TUT4: variants seen among roughly 807,000 people sequenced by gnomAD.
TUT4 encodes terminal uridylyltransferase 4.
A neutral mutation model predicts 192.2 loss-of-function variants in TUT4; 36 were observed. That is an observed-to-expected ratio of 0.19 (90% CI 0.14 to 0.25). TUT4 has a LOEUF of 0.25. Ranked by LOEUF, TUT4 falls within the 10% of genes least tolerant of loss-of-function variation. TUT4 has a pLI of 1.00. For missense variants in TUT4, 1,493 were observed against 1,957.2 expected, an observed-to-expected ratio of 0.76 and a Z score of 4.47; for synonymous variants, 618 against 666.0, an observed-to-expected ratio of 0.93 and a Z score of 1.11.
chr1:52,497,120 A>G lies in TUT4; in HGVS notation c.1063T>C (p.Leu355=). ...GCTAATTCAATGACTGCAACACTTA[A>G]AGCAGCCAAGTGGGCAGGGGAAGGA... is the stretch of plus-strand genomic sequence containing the variant. ...PPPSPAHLAA[L]SVAVIELAKE... is the part of the protein sequence containing the mutation. The change falls in exon 5 of 30, where the codon TTA becomes CTA. Residue 355 remains leucine (L), a synonymous_variant. Transcript: ENST00000257177. 1 of 1,613,846 alleles carries G rather than the reference A, an allele frequency of 6.2e-7. No homozygotes were observed. Among genetic ancestry groups the G allele is most frequent in the Non-Finnish European group, 8.5e-7 (1 of 1,179,890 alleles).
intron 4 of TUT4, among the ~76,000 whole-genome samples, chr1:52,507,098 T>C (rs1343663823): frequency 3.9e-5 from 6 of 152,220 alleles, no homozygotes; most frequent in Non-Finnish European, 7.3e-5. Context: ...CCAGTCTGGA[T>C]AGGAAGAAGT....
rs201795847 is a variant in TUT4, at chr1:52,499,643, AGGATGGCTT to A, written c.1000-2469_1000-2461del. Among the ~76,000 whole-genome samples the A allele has an allele frequency of 3.4e-3, 511 of 152,284 alleles. 4 individuals are homozygous for A. The highest frequency in any genetic ancestry group is 0.011 in the African/African-American group (474 of 41,558). ...CCCACCTACTCAGGAGGCTGAGGTG[AGGATGGCTT>A]GAGCCCCGGAGGTGGAGGTTGCAGT... On this transcript the variant is annotated intron_variant, in intron 4 of 29. Coordinates refer to ENST00000257177, the MANE Select transcript of TUT4 (RefSeq NM_001009881.3).
chr1:52,460,979 G>A, intron 19 of TUT4, 155 bp downstream of exon 19: 2 of 483,534 alleles, frequency 4.1e-6, no homozygotes, highest in Non-Finnish European at 7.1e-6. Flanking sequence ...ACCCTACTCT[G>A]ATAGGTATCT....
At chr1:52,480,188 G>C (rs571947819) in intron 11 of TUT4, among the ~76,000 whole-genome samples, 1 of 151,988 alleles carries the variant, frequency 6.6e-6, no homozygotes, top group African/African-American at 2.4e-5. Context: ...ACATACACAA[G>C]AAAAAAGGGA....
chr1:52,425,109 A>G (rs985282679), intron 29 of TUT4: 2 of 361,508 alleles, frequency 5.5e-6, no homozygotes, highest in South Asian at 2.1e-4. Context: ...GGGCAATGTT[A>G]ACTGATTCAT....
intron 13 of TUT4, among the ~76,000 whole-genome samples, chr1:52,472,678 G>A (rs946557890): frequency 2.6e-5 from 4 of 151,646 alleles, no homozygotes; most frequent in African/African-American, 4.8e-5. Context: ...AGCTTCATAC[G>A]AAGAGTAACT....
chr1:52,425,194 C>T, intron 29 of TUT4, 155 bp downstream of exon 29: 1 of 837,952 alleles, frequency 1.2e-6, no homozygotes. Flanking sequence ...TTTTGTTTTA[C>T]AAGCACCTAG....
At chr1:52,534,349 A>C (rs963323032) in intron 1 of TUT4, among the ~76,000 whole-genome samples, 33 of 152,152 alleles carry the variant, frequency 2.2e-4, no homozygotes, top group African/African-American at 8.0e-4. Context: ...ACGTGATCAA[A>C]AATAAAATTA....
At position 52,423,645 on chromosome 1, in the gene TUT4, A is replaced by T; in HGVS notation, c.*290T>A. 2.1e-6 allele frequency: 1 copy of T among 468,068 alleles called. No individual in the cohort carries two copies. The highest frequency in any genetic ancestry group is 5.0e-5 in the East Asian group (1 of 20,160). 29.0% of individuals were successfully genotyped at this position (468,068 alleles called of 1,614,324 possible). The stretch of plus-strand genomic sequence containing the variant: ...AACAAAACATAAAATTCCCTTAAAA[A>T]TAGGGTAATAAAATAGATGAAATTT... On this transcript the variant is annotated 3_prime_UTR_variant, in exon 30 of 30. Coordinates refer to ENST00000257177, the MANE Select transcript of TUT4 (RefSeq NM_001009881.3).
intron 27 of TUT4, chr1:52,432,579 T>C (rs1652443419): frequency 6.6e-6 from 1 of 152,168 alleles, no homozygotes; most frequent in African/African-American, 2.4e-5. Context: ...ATCTGAACTT[T>C]AGAAAGATTA....
chr1:52,550,852 G>A (rs975103104), intron 1 of TUT4, among the ~76,000 whole-genome samples: 1 of 152,096 alleles, frequency 6.6e-6, no homozygotes, highest in South Asian at 2.1e-4. Context: ...CTTTAACAGT[G>A]AATAAATTCA....
At chr1:52,483,553 G>A (rs185846073) in intron 9 of TUT4, among the ~76,000 whole-genome samples, 4 of 152,266 alleles carry the variant, frequency 2.6e-5, no homozygotes, top group Admixed American at 2.6e-4. Context: ...GCTCATGCAA[G>A]TAATCCCAGC....
At chr1:52,523,463 G>T (rs2149439163) in intron 2 of TUT4, among the ~76,000 whole-genome samples, 1 of 152,242 alleles carries the variant, frequency 6.6e-6, no homozygotes, top group Non-Finnish European at 1.5e-5. Flanking sequence ...GAATTAGCCA[G>T]GCATGGTGGC....
chr1:52,446,012 A>G lies in TUT4; in HGVS notation c.3692-8T>C. On this transcript the variant is annotated splice_region_variant and splice_polypyrimidine_tract_variant and intron_variant, in intron 22 of 29. Coordinates refer to ENST00000257177, the MANE Select transcript of TUT4 (RefSeq NM_001009881.3). ...GATTCAAGTCAAAAGGGTCTACAAA[A>G]GAAATATATCAATGATTAAGAATTA... 6.3e-7 allele frequency: 1 copy of G among 1,597,240 alleles called. No homozygotes were observed. The highest frequency in any genetic ancestry group is 1.1e-5 in the South Asian group (1 of 87,130).
intron 20 of TUT4, among the ~76,000 whole-genome samples, chr1:52,450,015 G>A (rs964575919): frequency 6.6e-6 from 1 of 151,918 alleles, no homozygotes; most frequent in Non-Finnish European, 1.5e-5. Context: ...AATCTTTTTT[G>A]GAATTAATTT....
intron 4 of TUT4, among the ~76,000 whole-genome samples, chr1:52,497,811 AAG>A (rs1427634669): frequency 6.6e-6 from 1 of 152,242 alleles, no homozygotes; most frequent in Non-Finnish European, 1.5e-5. Context: ...GGAAAATACA[AAG>A]AAGAAAATAA....
chr1:52,551,327 G>T (rs1487297164), intron 1 of TUT4, among the ~76,000 whole-genome samples: 1 of 152,028 alleles, frequency 6.6e-6, no homozygotes, highest in Non-Finnish European at 1.5e-5. Context: ...ATTATTTTAA[G>T]AAAACTTCAT....
intron 26 of TUT4, 51 bp downstream of exon 26, chr1:52,436,704 C>T: frequency 6.2e-7 from 1 of 1,608,786 alleles, no homozygotes; most frequent in Non-Finnish European, 8.5e-7. Context: ...ATGCAAGCAA[C>T]ATAAATGACT....
chr1:52,450,154 C>A (rs994064112), intron 20 of TUT4, among the ~76,000 whole-genome samples: 4 of 152,120 alleles, frequency 2.6e-5, no homozygotes, highest in African/African-American at 9.7e-5. Context: ...CTTAGCTGTG[C>A]CTTAGTAATA....
Sources: gnomAD v4.1 joint callset for allele counts (sites outside exome capture counted in the v4.1 genomes callset) on GRCh38, gnomAD v4.1.1 for gene constraint, MANE v1.5 for transcripts, NCBI Gene and HGNC (gene_info 2026-07-23, HGNC 2026-07-21) for gene names.